The following ACTN2 variants were observed in gnomAD, a reference collection of about 807,000 sequenced individuals.
ACTN2 encodes actinin alpha 2.
ACTN2 carries 39 observed loss-of-function variants against 113.8 expected under a neutral mutation model. That is an observed-to-expected ratio of 0.34 (90% CI 0.27 to 0.45). The LOEUF is 0.45. ACTN2 is among the 20% of genes least tolerant of loss of function. The pLI, the probability that ACTN2 is intolerant of heterozygous loss-of-function variation, is 1.00. For missense variants in ACTN2, 992 were observed against 1,177.9 expected, an observed-to-expected ratio of 0.84 and a Z score of 2.31; for synonymous variants, 429 against 444.1, an observed-to-expected ratio of 0.97 and a Z score of 0.43.
chr1:236,736,996 A>G (rs1011831929), intron 8 of ACTN2, 126 bp from the exon 9 acceptor site: 11 of 749,542 alleles, frequency 1.5e-5, no homozygotes, highest in Non-Finnish European at 2.3e-5. Context: ...CCGCACCCTA[A>G]GCTAGACTCT....
At chr1:236,740,825 A>G (rs2385497) in intron 10 of ACTN2, among the ~76,000 whole-genome samples, 77,209 of 151,540 alleles carry the variant, frequency 0.51, 22,866 homozygotes, top group Non-Finnish European at 0.67. Flanking sequence ...TTACATTCTC[A>G]GTTTTTTTGG....
At chr1:236,734,853 C>G (rs1214909291) in intron 7 of ACTN2, among the ~76,000 whole-genome samples, 1 of 152,158 alleles carries the variant, frequency 6.6e-6, no homozygotes, top group Admixed American at 6.5e-5. Context: ...TTGACTGACC[C>G]AAGTTTATGA....
At chr1:236,717,731 T>A in intron 1 of ACTN2, 127 bp from the exon 2 acceptor site, 2 of 726,144 alleles carry the variant, frequency 2.8e-6, no homozygotes, top group Non-Finnish European at 5.0e-6. Flanking sequence ...TTCTGCATCC[T>A]CTAGAAGCCC....
At position 236,745,433 on chromosome 1, in the gene ACTN2, C is replaced by CA. The variant is rs553095225; in HGVS notation, c.1406+664dup. On this transcript the variant is annotated intron_variant, in intron 12 of 20. Coordinates refer to ENST00000366578, the MANE Select transcript of ACTN2 (RefSeq NM_001103.4). The stretch of plus-strand genomic sequence containing the variant: ...TGGGCGACAGAGCGGGACTCCGTCT[C>CA]AAAAAAACAAAAAACAAAACAAAAT... 9.2e-4 allele frequency among the ~76,000 whole-genome samples: 140 copies of CA among 151,950 alleles called. 1 individual carries two copies. The highest frequency in any genetic ancestry group is 2.9e-3 in the Admixed American group (44 of 15,274).
rs1247335157 is a variant in ACTN2 at position 236,739,350 on chromosome 1, C to T, written c.925C>T (p.Pro309Ser). 6.2e-7 allele frequency: 1 copy of T among 1,614,052 alleles called. No individual in the cohort carries two copies. Among genetic ancestry groups the T allele is most frequent in the Non-Finnish European group, 8.5e-7 (1 of 1,180,012 alleles). The change falls in exon 10 of 21, where the codon CCC (proline) becomes TCC (serine). Residue 309 changes from proline to serine, a missense_variant. Transcript: ENST00000366578. ...RTIPWLENRT[P>S]EKTMQAMQKK... ...GATCCCCTGGCTGGAGAACCGGACT[C>T]CCGAGAAGACCATGCAAGCCATGCA...
rs570355201 is a variant in ACTN2, at chr1:236,729,719, T to C, written c.616-1514T>C. 7.7e-4 allele frequency among the ~76,000 whole-genome samples: 117 copies of C among 152,306 alleles called. 1 individual carries two copies. The highest frequency in any genetic ancestry group is 1.4e-3 in the Non-Finnish European group (96 of 68,020). On this transcript the variant is annotated intron_variant, in intron 6 of 20. Transcript: ENST00000366578. ...TCCCAGCTTTTCAATGGATGTATTT[T>C]CTTATCCCCTGAATTACTTTGAAAT...
intron 15 of ACTN2, 76 bp from the exon 16 acceptor site, chr1:236,753,871 C>A: frequency 2.8e-6 from 3 of 1,062,618 alleles, no homozygotes; most frequent in African/African-American, 1.6e-5. Context: ...ACCCCTTGGA[C>A]TATTCCCGCA....
At position 236,727,691 on chromosome 1, in the gene ACTN2, C is replaced by T. The variant is rs1405476528; in HGVS notation, c.550C>T (p.Leu184Phe). ...ACGGCTGTGAAGCTGGAAAGATGGC[C>T]TTGGACTCTGTGCCCTCATCCACCG... Reference protein sequence around the residue: ...QNFHTSWKDGLGLCALIHRHR... With the variant: ...QNFHTSWKDGFGLCALIHRHR... The change falls in exon 6 of 21, where the codon CTT (leucine) becomes TTT (phenylalanine). Residue 184 changes from leucine to phenylalanine, a missense_variant. Around this residue, in one of 3 missense-constraint regions of ACTN2, gnomAD observed 220 missense variants for 337.5 expected, o/e 0.65. Coordinates refer to ENST00000366578, the MANE Select transcript of ACTN2 (RefSeq NM_001103.4). The T allele has an allele frequency of 1.2e-6, 2 of 1,614,012 alleles. No homozygotes were observed. Among genetic ancestry groups the T allele is most frequent in the Non-Finnish European group, 1.7e-6 (2 of 1,179,990 alleles).
chr1:236,744,599 C>T, intron 11 of ACTN2, 27 bp from the exon 12 acceptor site: 1 of 1,613,536 alleles, frequency 6.2e-7, no homozygotes. Context: ...TCAGCATATT[C>T]ATACTTTCTT....
Position 236,734,289 on chromosome 1 carries a change from T to G in ACTN2, c.698-1346T>G, listed in dbSNP as rs16834297. The G allele has an allele frequency of 4.6e-3, 2,499 of 545,474 alleles. 56 individuals are homozygous for G. Among genetic ancestry groups the G allele is most frequent in the African/African-American group, 0.044 (2,272 of 52,108 alleles). 33.8% of individuals were successfully genotyped at this position (545,474 alleles called of 1,614,324 possible). ...TAATCCCTTTGCAGGTGTGACTTCT[T>G]TGATTTGAGCCAAAATGTTAGGAAC... On this transcript the variant is annotated intron_variant, in intron 7 of 20. Coordinates refer to ENST00000366578, the MANE Select transcript of ACTN2 (RefSeq NM_001103.4).
chr1:236,739,072 C>T (rs1048659865), intron 9 of ACTN2, among the ~76,000 whole-genome samples: 2 of 152,032 alleles, frequency 1.3e-5, no homozygotes, highest in African/African-American at 2.4e-5. Context: ...CACGACTTTA[C>T]GTGCTCACTT....
rs559727419 is a variant in ACTN2, at chr1:236,746,007, C to CA, written c.1406+1240dup. 1.1e-3 allele frequency among the ~76,000 whole-genome samples: 164 copies of CA among 149,602 alleles called. 4 individuals are homozygous for CA. The South Asian group carries it at 0.016, about 15-fold the overall frequency. ...TGAAACCCCGTATCTACTAAAAATA[C>CA]AAAAAAAAATTAGCCAGGCATGGTG... On this transcript the variant is annotated intron_variant, in intron 12 of 20. Coordinates refer to ENST00000366578, the MANE Select transcript of ACTN2 (RefSeq NM_001103.4).
chr1:236,723,863 A>G (rs1410434821), intron 4 of ACTN2, among the ~76,000 whole-genome samples: 1 of 152,160 alleles, frequency 6.6e-6, no homozygotes, highest in Non-Finnish European at 1.5e-5. Context: ...AGGAATCGAC[A>G]TGCTTTAGGG....
intron 13 of ACTN2, among the ~76,000 whole-genome samples, chr1:236,748,719 A>G (rs1422623013): frequency 6.6e-6 from 1 of 152,204 alleles, no homozygotes; most frequent in South Asian, 2.1e-4. Flanking sequence ...ACTTCTCTGC[A>G]CATGTTGACT....
At chr1:236,732,271 G>A (rs534924761) in intron 7 of ACTN2, among the ~76,000 whole-genome samples, 2 of 152,202 alleles carry the variant, frequency 1.3e-5, no homozygotes, top group South Asian at 2.1e-4. Flanking sequence ...TCAAGGAGTA[G>A]GCAGCTCCCT....
At chr1:236,762,390 G>GT (rs995767716) in intron 20 of ACTN2, 71 bp from the exon 21 acceptor site, 213 of 1,579,404 alleles carry the variant, frequency 1.3e-4, no homozygotes, top group Admixed American at 7.5e-4. Context: ...CAAGAAATAT[G>GT]TAAGTATTAA....
Position 236,686,530 on chromosome 1 carries a change from C to A in ACTN2, c.-144C>A. 1.0e-6 allele frequency: 1 copy of A among 970,602 alleles called. No homozygotes were observed. Among genetic ancestry groups the A allele is most frequent in the African/African-American group, 1.8e-5 (1 of 57,120 alleles). 60.1% of individuals were successfully genotyped at this position (970,602 alleles called of 1,614,324 possible). A position where few individuals can be genotyped will look rare whatever the true frequency, so the allele number is the denominator to read the frequency against. On this transcript the variant is annotated 5_prime_UTR_variant, in exon 1 of 21. Transcript: ENST00000366578. The stretch of plus-strand genomic sequence containing the variant: ...GGTGCTTCGCCCGAGACCCAGCGCC[C>A]AGGCGTGTCGCCCCGAGAGGAGCCG...
chr1:236,736,489 C>A, intron 8 of ACTN2: 2 of 1,034,160 alleles, frequency 1.9e-6, no homozygotes, highest in Non-Finnish European at 2.8e-6. Flanking sequence ...CTTTGCCACT[C>A]CTGCCCCAAG....
In ACTN2 at chr1:236,747,572, T is replaced by C. The variant is rs543696111; in HGVS notation, c.1407-95T>C. The C allele has an allele frequency of 3.5e-4, 397 of 1,140,612 alleles. No homozygotes were observed. The South Asian group carries it at 4.3e-3, about 12-fold the overall frequency. The allele number at this position is 1,140,612 out of a possible 1,614,324, so 70.7% of individuals were successfully genotyped here. A position where few individuals can be genotyped will look rare whatever the true frequency, so the allele number is the denominator to read the frequency against. On this transcript the variant is annotated intron_variant, in intron 12 of 20. Transcript: ENST00000366578. ...GTGGATACATTTCAGATGTTTTTGT[T>C]TTTAAACTTCCCTGTTATTTTTCTT...
Sources: allele counts gnomAD v4.1 joint callset (sites outside exome capture counted in the v4.1 genomes callset), GRCh38; gene constraint gnomAD v4.1.1; regional missense constraint gnomAD v4.1.1; transcripts MANE v1.5; gene names NCBI Gene and HGNC (gene_info 2026-07-23, HGNC 2026-07-21).